Variants in ITPR2 observed in about 807,000 individuals in gnomAD.
ITPR2 encodes the protein inositol 1,4,5-trisphosphate receptor type 2, also known as inositol 1,4,5-trisphosphate-gated calcium channel ITPR2.
ITPR2 carries 207 observed loss-of-function variants against 317.1 expected under a neutral mutation model. That is an observed-to-expected ratio of 0.65 (90% CI 0.58 to 0.73). The LOEUF (loss-of-function observed/expected upper bound fraction) is 0.73. ITPR2 is among the 30% of genes least tolerant of loss of function. The pLI, the probability that ITPR2 is intolerant of heterozygous loss-of-function variation, is 0.00. For synonymous variants in ITPR2, 1,156 were observed against 1,149.1 expected, an observed-to-expected ratio of 1.01 and a Z score of -0.12; for missense variants, 2,613 against 3,284.0, an observed-to-expected ratio of 0.80 and a Z score of 4.99.
intron 37 of ITPR2, among the ~76,000 whole-genome samples, chr12:26,540,310 GAT>G (rs1944223139): frequency 1.3e-5 from 2 of 152,300 alleles, no homozygotes; most frequent in Admixed American, 1.3e-4. Context: ...AAATTAGAAT[GAT>G]ATGGAATTAA....
intron 55 of ITPR2, among the ~76,000 whole-genome samples, chr12:26,367,388 C>T (rs538420014): frequency 2.6e-5 from 4 of 152,218 alleles, no homozygotes; most frequent in Admixed American, 2.0e-4. Context: ...TTCTCCATGG[C>T]TCACCTGCAT....
At chr12:26,700,947 C>A (rs1948433509) in intron 9 of ITPR2, among the ~76,000 whole-genome samples, 1 of 152,056 alleles carries the variant, frequency 6.6e-6, no homozygotes, top group Non-Finnish European at 1.5e-5. Flanking sequence ...CACTATTTTG[C>A]AAGGAAACAA....
intron 26 of ITPR2, among the ~76,000 whole-genome samples, chr12:26,618,983 G>A (rs7309984): frequency 0.13 from 20,532 of 152,120 alleles, 1,884 homozygotes; most frequent in Admixed American, 0.19. Context: ...TCATGATAGT[G>A]GTTTCCTCTG....
intron 51 of ITPR2, among the ~76,000 whole-genome samples, chr12:26,413,407 C>T (rs1592001185): frequency 6.6e-6 from 1 of 152,346 alleles, no homozygotes; most frequent in East Asian, 1.9e-4. Flanking sequence ...CCAAATTTCA[C>T]TGGCTACCCA....
chr12:26,418,930 A>G (rs570735679), intron 50 of ITPR2, 119 bp downstream of exon 50: 21 of 796,992 alleles, frequency 2.6e-5, no homozygotes, highest in Middle Eastern at 2.5e-4. Context: ...TCTAAAAATA[A>G]CATAATTTGT....
chr12:26,596,304 A>G (rs959945670), intron 31 of ITPR2, among the ~76,000 whole-genome samples: 2 of 152,220 alleles, frequency 1.3e-5, no homozygotes, highest in African/African-American at 4.8e-5. Flanking sequence ...AGAATTGAAG[A>G]GAGCTGTCTA....
chr12:26,829,202 T>A (rs139570934), intron 1 of ITPR2, among the ~76,000 whole-genome samples: 54 of 150,154 alleles, frequency 3.6e-4, no homozygotes, highest in African/African-American at 1.2e-3. Flanking sequence ...CAGGTTTAAT[T>A]TTTTGATATT....
At chr12:26,642,114 C>T (rs1487899037) in intron 21 of ITPR2, among the ~76,000 whole-genome samples, 2 of 152,128 alleles carry the variant, frequency 1.3e-5, no homozygotes, top group Admixed American at 1.3e-4. Context: ...GGCTTGCTGC[C>T]TAGAGCAGGT....
chr12:26,428,009 C>T lies in ITPR2; in HGVS notation c.6849G>A (p.Lys2283=), dbSNP rs370059068. ...CAAGAAACGGCCGAATACCCACAGG[C>T]TTGGAGAAGAAAAACAGCATAGATG... The part of the protein sequence containing the change: ...ICTSMLFFFS[K]PVGIRPFLVS... The change falls in exon 49 of 57, where the codon AAG becomes AAA. Residue 2283 remains lysine, a synonymous_variant. Transcript: ENST00000381340. The T allele has an allele frequency of 5.0e-6, 8 of 1,612,438 alleles. No individual in the cohort carries two copies. Among genetic ancestry groups the T allele is most frequent in the Non-Finnish European group, 6.8e-6 (8 of 1,179,240 alleles).
intron 2 of ITPR2, among the ~76,000 whole-genome samples, chr12:26,728,164 G>A (rs1300958669): frequency 6.6e-6 from 1 of 152,154 alleles, no homozygotes; most frequent in Non-Finnish European, 1.5e-5. Context: ...ATGAGCAAGG[G>A]GCAGGAAGGC....
At chr12:26,545,219 T>C (rs2046412) in intron 37 of ITPR2, among the ~76,000 whole-genome samples, 14,623 of 152,156 alleles carry the variant, frequency 0.096, 951 homozygotes, top group African/African-American at 0.18. Context: ...ACATGTTACC[T>C]CACATGCCAA....
chr12:26,579,246 TTCTA>T (rs1945339849), intron 33 of ITPR2, among the ~76,000 whole-genome samples: 1 of 152,190 alleles, frequency 6.6e-6, no homozygotes, highest in Admixed American at 6.5e-5. Context: ...TTTCCTATGG[TTCTA>T]TCTAATAGTT....
chr12:26,602,153 C>G (rs1401482980), intron 28 of ITPR2, among the ~76,000 whole-genome samples: 1 of 151,136 alleles, frequency 6.6e-6, no homozygotes, highest in Non-Finnish European at 1.5e-5. Context: ...AGTAAAGTGC[C>G]TTGCTCTTTC....
intron 49 of ITPR2, among the ~76,000 whole-genome samples, chr12:26,427,424 G>T (rs1284094573): frequency 6.6e-6 from 1 of 151,866 alleles, no homozygotes; most frequent in Non-Finnish European, 1.5e-5. Flanking sequence ...TCCTATCTAT[G>T]ACTTTCATCA....
At chr12:26,574,959 G>GTC (rs1945242823) in intron 34 of ITPR2, among the ~76,000 whole-genome samples, 1 of 151,752 alleles carries the variant, frequency 6.6e-6, no homozygotes, top group Non-Finnish European at 1.5e-5. Flanking sequence ...CACCTCCAAC[G>GTC]TCGGAATCCC....
intron 2 of ITPR2, among the ~76,000 whole-genome samples, chr12:26,730,700 T>C (rs1949011957): frequency 6.6e-6 from 1 of 152,232 alleles, no homozygotes; most frequent in African/African-American, 2.4e-5. Context: ...CTTTTATTTA[T>C]TTATTTTTTG....
chr12:26,605,126 A>ATATAT (rs373595249), intron 26 of ITPR2, among the ~76,000 whole-genome samples: 18,311 of 136,188 alleles, frequency 0.13, 1,520 homozygotes, highest in East Asian at 0.26. Flanking sequence ...AAAAAATAAA[A>ATATAT]ATATATATAT....
intron 34 of ITPR2, among the ~76,000 whole-genome samples, chr12:26,571,306 C>T (rs1375295810): frequency 1.3e-5 from 2 of 152,166 alleles, no homozygotes; most frequent in African/African-American, 4.8e-5. Context: ...AGTAAACTCA[C>T]AGAGGATCAT....
chr12:26,583,983 A>AG (rs1306099211), intron 32 of ITPR2, among the ~76,000 whole-genome samples: 2 of 152,348 alleles, frequency 1.3e-5, no homozygotes, highest in Non-Finnish European at 2.9e-5. Context: ...ACAAATTATT[A>AG]AATTGAAGCT....
Sources: allele counts gnomAD v4.1 joint callset (sites outside exome capture counted in the v4.1 genomes callset), GRCh38; gene constraint gnomAD v4.1.1; transcripts MANE v1.5; gene names NCBI Gene and HGNC (gene_info 2026-07-23, HGNC 2026-07-21).